The following SUN3 variants were observed in gnomAD, a reference collection of about 807,000 sequenced individuals.
SUN3 encodes the protein SUN domain-containing protein 3.
A neutral mutation model predicts 48.2 loss-of-function variants in SUN3; 36 were observed. The ratio of observed to expected loss-of-function variants is 0.75; its 90% CI spans 0.57 to 0.99. SUN3 has a LOEUF of 0.99. SUN3 is among the 50% of genes least tolerant of loss of function. The probability of loss-of-function intolerance (pLI) is 0.00; values close to 1 mark genes in which losing one functional copy is unlikely to be tolerated. For synonymous variants in SUN3, 148 were observed against 147.9 expected (o/e 1.00, Z 0.00); for missense variants, 419 against 433.1 (o/e 0.97, Z 0.29).
intron 6 of SUN3, among the ~76,000 whole-genome samples, chr7:48,001,661 G>A (rs1439319471): frequency 6.6e-6 from 1 of 151,376 alleles, no homozygotes; most frequent in East Asian, 2.0e-4. Flanking sequence ...AGCCTCCTGA[G>A]TAGCTGGGAC....
At chr7:47,993,119 C>T (rs1789112654) in intron 8 of SUN3, among the ~76,000 whole-genome samples, 1 of 152,056 alleles carries the variant, frequency 6.6e-6, no homozygotes, top group South Asian at 2.1e-4. Context: ...CACTCAGAAA[C>T]ATTTAAAAAA....
At position 47,996,052 on chromosome 7, in the gene SUN3, C is replaced by G; in HGVS notation, c.672G>C (p.Met224Ile). 1 of 1,569,964 alleles carries G rather than the reference C, an allele frequency of 6.4e-7. No individual in the cohort carries two copies. Residue 224 changes from methionine (M) to isoleucine (I), a missense_variant, in exon 7 of 10, where the codon ATG becomes ATC. Physicochemically the swap from Met to Ile is conservative, Grantham distance 10. Coordinates refer to ENST00000297325, the MANE Select transcript of SUN3 (RefSeq NM_001030019.2). ...TTACCTGAAGAATAATATCTGGAGG[C>G]ATTTCATGATTTAGGAAACCTATCC... ...WHGIGFLNHE[M>I]PPDIILQPDV... is the part of the protein sequence containing the mutation.
In SUN3 at chr7:48,006,101, G is replaced by A. The variant is rs187150929; in HGVS notation, c.493-48C>T. 2,524 of 1,334,192 alleles carry A rather than the reference G, an allele frequency of 1.9e-3. 4 individuals are homozygous for A. The highest frequency in any genetic ancestry group is 2.5e-3 in the Non-Finnish European group (2,355 of 944,164). 82.6% of individuals were successfully genotyped at this position (1,334,192 alleles called of 1,614,324 possible). A position where few individuals can be genotyped will look rare whatever the true frequency, so the allele number is the denominator to read the frequency against. The stretch of plus-strand genomic sequence containing the variant: ...TTTCTGTTAACAATCTTTGCCAACT[G>A]CTTGAGTTTTGACCATTCATTTTAT... On this transcript the variant is annotated intron_variant, in intron 5 of 9. Coordinates refer to ENST00000297325, the MANE Select transcript of SUN3 (RefSeq NM_001030019.2).
intron 2 of SUN3, among the ~76,000 whole-genome samples, chr7:48,020,033 A>G (rs1327519008): frequency 6.6e-6 from 1 of 151,524 alleles, no homozygotes; most frequent in East Asian, 1.9e-4. Flanking sequence ...CAATATCTCT[A>G]ATGAATATTG....
Position 48,007,248 on chromosome 7 carries a change from G to A in SUN3, c.409C>T (p.Leu137=), listed in dbSNP as rs1789550725. Residue 137 remains leucine (L), a synonymous_variant, in exon 5 of 10, where the codon CTA becomes TTA. Coordinates refer to ENST00000297325, the MANE Select transcript of SUN3 (RefSeq NM_001030019.2). ...IEQIDVLKAL[L]RDMKDGMDNN... ...TCCATACCATCCTTCATATCTCTTA[G>A]CAATGCCTTCAGGACATCTATTTGT... 1 of 1,613,896 alleles carries A rather than the reference G, an allele frequency of 6.2e-7. No homozygotes were observed. Among genetic ancestry groups the A allele is most frequent in the Admixed American group, 1.7e-5 (1 of 59,988 alleles).
At chr7:48,032,361 A>G (rs1182627387), upstream of SUN3, among the ~76,000 whole-genome samples, 2 of 152,260 alleles carry the variant, frequency 1.3e-5, no homozygotes, top group Non-Finnish European at 2.9e-5. Flanking sequence ...GTACATGTGT[A>G]TAAAACCAAC....
At position 48,025,896 on chromosome 7, in the gene SUN3, T is replaced by C; in HGVS notation, c.165A>G (p.Thr55=). The C allele has an allele frequency of 6.2e-7, 1 of 1,602,512 alleles. No individual in the cohort carries two copies. Among genetic ancestry groups the C allele is most frequent in the Non-Finnish European group, 8.5e-7 (1 of 1,172,138 alleles). Residue 55 remains threonine (T), a synonymous_variant, in exon 2 of 10, where the codon ACA becomes ACG. Transcript: ENST00000297325. ...ACTTACCTACAAGAAGAAAAGTCAG[T>C]GTAAGCATTGTACTTAGAATAATCT... ...SWKIILSTML[T]LTFLLVGLLN... is the part of the protein sequence containing the mutation.
At chr7:47,989,135 T>C (rs961134618) in intron 8 of SUN3, among the ~76,000 whole-genome samples, 2 of 152,148 alleles carry the variant, frequency 1.3e-5, no homozygotes, top group Non-Finnish European at 2.9e-5. Flanking sequence ...GAGAGCTAGA[T>C]AGATAGATCC....
chr7:48,005,926 C>CTTTTTTTTTTTTTTT, intron 6 of SUN3, 43 bp downstream of exon 6: 1 of 1,111,270 alleles, frequency 9.0e-7, no homozygotes, highest in Non-Finnish European at 1.3e-6. Flanking sequence ...CTGAAGCATT[C>CTTTTTTTTTTTTTTT]TTTTTTTTTT....
At chr7:48,026,581 AACACACAC>A (rs112192395) in intron 1 of SUN3, among the ~76,000 whole-genome samples, 2 of 145,626 alleles carry the variant, frequency 1.4e-5, no homozygotes, top group African/African-American at 2.5e-5. Flanking sequence ...CCCACCCCCC[AACACACAC>A]ACACACACAC....
chr7:48,011,183 T>C (rs745616723), intron 3 of SUN3, among the ~76,000 whole-genome samples: 3 of 152,228 alleles, frequency 2.0e-5, no homozygotes, highest in Non-Finnish European at 4.4e-5. Flanking sequence ...GACATATCTT[T>C]TTGGGAATCA....
intron 1 of SUN3, among the ~76,000 whole-genome samples, chr7:48,027,193 CTG>C (rs1399006366): frequency 6.6e-6 from 1 of 152,174 alleles, no homozygotes; most frequent in Non-Finnish European, 1.5e-5. Flanking sequence ...ATTCTTATAA[CTG>C]TGTAGTATTT....
At chr7:47,992,826 T>G (rs1459142705) in intron 8 of SUN3, among the ~76,000 whole-genome samples, 1 of 152,042 alleles carries the variant, frequency 6.6e-6, no homozygotes, top group Admixed American at 6.6e-5. Context: ...TGGGAAAGTT[T>G]TAGTAATAGG....
At chr7:48,033,356 T>C (rs111404776), upstream of SUN3, among the ~76,000 whole-genome samples, 2,798 of 151,882 alleles carry the variant, frequency 0.018, 86 homozygotes, top group African/African-American at 0.064. Context: ...AGGCCAGGAG[T>C]TGGAGACCAG....
upstream of SUN3, among the ~76,000 whole-genome samples, chr7:48,029,272 T>G (rs1452231990): frequency 2.0e-5 from 3 of 152,200 alleles, no homozygotes; most frequent in East Asian, 5.8e-4. Flanking sequence ...CTACCGCTTT[T>G]CGATAGCAAA....
chr7:48,012,336 C>T (rs16881659), intron 3 of SUN3, among the ~76,000 whole-genome samples: 13,580 of 151,988 alleles, frequency 0.089, 2,021 homozygotes, highest in African/African-American at 0.31. Context: ...CAGGTAGAGG[C>T]TGGCAAAGAA....
intron 2 of SUN3, among the ~76,000 whole-genome samples, chr7:48,019,993 A>G (rs1030906151): frequency 2.0e-5 from 3 of 150,092 alleles, no homozygotes; most frequent in Non-Finnish European, 4.5e-5. Context: ...AAAAAAAAAA[A>G]AAAAAAAAGA....
chr7:48,011,269 G>T (rs1375002639), intron 3 of SUN3, among the ~76,000 whole-genome samples: 2 of 152,160 alleles, frequency 1.3e-5, no homozygotes, highest in African/African-American at 4.8e-5. Context: ...TAATTAGCTT[G>T]CTTTTCTGTT....
upstream of SUN3, among the ~76,000 whole-genome samples, chr7:48,031,455 C>T (rs1790255760): frequency 6.6e-6 from 1 of 152,150 alleles, no homozygotes; most frequent in African/African-American, 2.4e-5. Flanking sequence ...TGCTTGAGCC[C>T]AGGAGTTTGA....
Sources: gnomAD v4.1 joint callset for allele counts (sites outside exome capture counted in the v4.1 genomes callset) on GRCh38, gnomAD v4.1.1 for gene constraint, MANE v1.5 for transcripts, NCBI Gene and HGNC (gene_info 2026-07-23, HGNC 2026-07-21) for gene names.